The following POU6F2 variants were observed in gnomAD, a reference collection of about 807,000 sequenced individuals.
POU6F2 encodes POU domain, class 6, transcription factor 2.
A neutral mutation model predicts 71.3 loss-of-function variants in POU6F2; 31 were observed. That is an observed-to-expected ratio of 0.43 (90% CI 0.33 to 0.59). The LOEUF (loss-of-function observed/expected upper bound fraction) is 0.59, where lower values mean the gene tolerates loss of function less well. Among genes scored for constraint, POU6F2 ranks in the 20% least tolerant of loss-of-function variants. The pLI, the probability that POU6F2 is intolerant of heterozygous loss-of-function variation, is 0.04. For synonymous variants in POU6F2, 347 were observed against 355.7 expected (o/e 0.98, Z 0.27); for missense variants, 783 against 856.8 (o/e 0.91, Z 1.07).
intron 4 of POU6F2, among the ~76,000 whole-genome samples, chr7:39,230,181 A>G (rs1269655844): frequency 6.6e-6 from 1 of 152,182 alleles, no homozygotes; most frequent in Non-Finnish European, 1.5e-5. Context: ...CACAAGATCT[A>G]CAAGAAGTTC....
chr7:39,118,746 T>C (rs1236951507), intron 2 of POU6F2, among the ~76,000 whole-genome samples: 1 of 152,078 alleles, frequency 6.6e-6, no homozygotes, highest in Non-Finnish European at 1.5e-5. Context: ...AAATAATTTC[T>C]CATAAACAAA....
At chr7:39,428,581 T>C (rs962551164) in intron 6 of POU6F2, among the ~76,000 whole-genome samples, 4 of 152,292 alleles carry the variant, frequency 2.6e-5, no homozygotes, top group African/African-American at 9.6e-5. Context: ...GCTTTTTGAA[T>C]TGAAGCAAAA....
At chr7:39,127,221 G>A (rs1037247500) in intron 2 of POU6F2, among the ~76,000 whole-genome samples, 1 of 152,132 alleles carries the variant, frequency 6.6e-6, no homozygotes, top group African/African-American at 2.4e-5. Flanking sequence ...GACGTTTTAA[G>A]TGCTCAGTAG....
At chr7:39,330,064 C>T (rs1206254364) in intron 4 of POU6F2, among the ~76,000 whole-genome samples, 1 of 152,172 alleles carries the variant, frequency 6.6e-6, no homozygotes, top group East Asian at 1.9e-4. Context: ...TCTCAGCCAT[C>T]CTCCTCTCCA....
At chr7:39,299,858 G>T (rs1193070470) in intron 4 of POU6F2, among the ~76,000 whole-genome samples, 1 of 152,192 alleles carries the variant, frequency 6.6e-6, no homozygotes, top group East Asian at 1.9e-4. Context: ...GATTAACTTA[G>T]CACGCTGGCA....
intron 4 of POU6F2, among the ~76,000 whole-genome samples, chr7:39,273,280 G>C (rs181001431): frequency 6.6e-6 from 1 of 152,100 alleles, no homozygotes; most frequent in South Asian, 2.1e-4. Context: ...GAAAAATACT[G>C]TACAGTGAAC....
chr7:39,120,865 G>T (rs1020400916), intron 2 of POU6F2: 1 of 152,148 alleles, frequency 6.6e-6, no homozygotes, highest in Non-Finnish European at 1.5e-5. Context: ...ATACAGGAGT[G>T]CCAGGACTGG....
intron 2 of POU6F2, among the ~76,000 whole-genome samples, chr7:39,089,350 T>A (rs1791317554): frequency 6.6e-6 from 1 of 152,136 alleles, no homozygotes; most frequent in African/African-American, 2.4e-5. Context: ...AGAAACAGTA[T>A]AGAGGAGAAC....
At chr7:39,410,302 C>T (rs1787527051) in intron 6 of POU6F2, among the ~76,000 whole-genome samples, 2 of 152,170 alleles carry the variant, frequency 1.3e-5, no homozygotes, top group Admixed American at 6.5e-5. Context: ...GAGTGAGACC[C>T]TGTCTCCAAA....
intron 2 of POU6F2, among the ~76,000 whole-genome samples, chr7:39,086,819 G>A (rs976856649): frequency 2.6e-5 from 4 of 152,164 alleles, no homozygotes; most frequent in African/African-American, 9.7e-5. Flanking sequence ...AGAAAGGGGA[G>A]CGGGTTGTTG....
intron 2 of POU6F2, among the ~76,000 whole-genome samples, chr7:39,093,914 T>A (rs998398340): frequency 1.3e-5 from 2 of 152,144 alleles, no homozygotes; most frequent in African/African-American, 4.8e-5. Flanking sequence ...CATGCACATA[T>A]AATGCTTCAA....
chr7:39,293,039 A>G (rs980195787), intron 4 of POU6F2, among the ~76,000 whole-genome samples: 3 of 152,090 alleles, frequency 2.0e-5, no homozygotes, highest in Non-Finnish European at 2.9e-5. Context: ...AAATAAAAAG[A>G]ACCTAGTGAT....
chr7:39,119,423 ACAT>A (rs1257573630), intron 2 of POU6F2, among the ~76,000 whole-genome samples: 3 of 152,236 alleles, frequency 2.0e-5, no homozygotes, highest in Non-Finnish European at 1.5e-5. Flanking sequence ...GGTAATATAA[ACAT>A]CACAAATTGA....
intron 1 of POU6F2, among the ~76,000 whole-genome samples, chr7:39,009,650 G>A (rs926055950): frequency 6.6e-6 from 1 of 152,166 alleles, no homozygotes; most frequent in Non-Finnish European, 1.5e-5. Flanking sequence ...TATGATATTG[G>A]CTGTGGGTTT....
intron 4 of POU6F2, among the ~76,000 whole-genome samples, chr7:39,284,157 C>A (rs1784612489): frequency 6.6e-6 from 1 of 152,286 alleles, no homozygotes; most frequent in African/African-American, 2.4e-5. Flanking sequence ...TTCTGATGTA[C>A]ACATGATTAA....
intron 1 of POU6F2, among the ~76,000 whole-genome samples, chr7:39,049,460 G>A (rs966957922): frequency 6.6e-6 from 1 of 151,730 alleles, no homozygotes; most frequent in African/African-American, 2.4e-5. Context: ...CAAATATTTG[G>A]GGATTCATCA....
At chr7:39,320,586 A>G (rs1402982028) in intron 4 of POU6F2, among the ~76,000 whole-genome samples, 2 of 152,194 alleles carry the variant, frequency 1.3e-5, no homozygotes, top group Admixed American at 6.5e-5. Flanking sequence ...ACAACTATTA[A>G]TATAAAAGAC....
At chr7:39,338,672 T>C (rs1785837801) in intron 4 of POU6F2, among the ~76,000 whole-genome samples, 1 of 152,246 alleles carries the variant, frequency 6.6e-6, no homozygotes, top group Admixed American at 6.5e-5. Context: ...CATGGGCTTG[T>C]TAGAAAGCTT....
intron 1 of POU6F2, among the ~76,000 whole-genome samples, chr7:39,082,864 A>G (rs1030472610): frequency 1.3e-5 from 2 of 151,694 alleles, no homozygotes; most frequent in Non-Finnish European, 2.9e-5. Flanking sequence ...GAGCTGCATT[A>G]TGGAAAACGT....
Sources: gnomAD v4.1 joint callset for allele counts (sites outside exome capture counted in the v4.1 genomes callset) on GRCh38, gnomAD v4.1.1 for gene constraint, MANE v1.5 for transcripts, NCBI Gene and HGNC (gene_info 2026-07-23, HGNC 2026-07-21) for gene names.